The following ARFGAP1 variants were observed in gnomAD, a reference collection of about 807,000 sequenced individuals.
ARFGAP1 encodes the protein ADP-ribosylation factor GTPase-activating protein 1.
A neutral mutation model predicts 54.0 loss-of-function variants in ARFGAP1; 26 were observed. The observed-to-expected ratio is 0.48, with a 90% CI of 0.35 to 0.67. The LOEUF (loss-of-function observed/expected upper bound fraction) is 0.67, where lower values mean the gene tolerates loss of function less well. ARFGAP1 is among the 30% of genes least tolerant of loss of function. The pLI, the probability that ARFGAP1 is intolerant of heterozygous loss-of-function variation, is 0.00. For synonymous variants in ARFGAP1, 248 were observed against 211.9 expected (o/e 1.17, Z -1.48); for missense variants, 525 against 535.8 (o/e 0.98, Z 0.20).
At position 63,277,737 on chromosome 20, in the gene ARFGAP1, C is replaced by T. The variant is rs372527238; in HGVS notation, c.444-380C>T. Among the ~76,000 whole-genome samples the T allele has an allele frequency of 5.3e-5, 8 of 152,334 alleles. No homozygotes were observed. The East Asian group carries it at 1.4e-3, about 26-fold the overall frequency. ...GTGGGGTGACTGGGTAGCACGAGGC[C>T]TCCCCACCTCATCTGGAGCCCTGTA... On this transcript the variant is annotated intron_variant, in intron 5 of 12. Transcript: ENST00000370283.
chr20:63,276,246 C>A lies in ARFGAP1; in HGVS notation c.170+46C>A. 1 of 1,598,202 alleles carries A rather than the reference C, an allele frequency of 6.3e-7. No individual in the cohort carries two copies. Among genetic ancestry groups the A allele is most frequent in the South Asian group, 1.1e-5 (1 of 90,712 alleles). ...GCTCTGCGGAGAGCCTGCGGCCACCCCAGCATCTGTTCCTGACACCAGAGG... is the reference window on the plus strand; with the variant it reads ...GCTCTGCGGAGAGCCTGCGGCCACCACAGCATCTGTTCCTGACACCAGAGG... On this transcript the variant is annotated intron_variant, in intron 3 of 12. Transcript: ENST00000370283. The surrounding 1 kb of genome is among the most constrained non-coding windows in gnomAD (Gnocchi z 5.2).
chr20:63,287,669 G>C lies in ARFGAP1; in HGVS notation c.1017G>C (p.Lys339Asn). ...WETFGSAEPT[K>N]TRKSPSSDSW... ...CCTTTGGAAGTGCTGAGCCCACCAA[G>C]ACCCGCAAGTCCCCGAGCAGCGACA... Residue 339 changes from lysine to asparagine, a missense_variant, in exon 13 of 13, where the codon AAG (lysine) becomes AAC (asparagine). Lys to Asn is a moderately conservative substitution (Grantham distance 94). Around this residue, in one of 3 missense-constraint regions of ARFGAP1, gnomAD observed 466 missense variants for 453.6 expected, o/e 1.03. Transcript: ENST00000370283. 1 of 1,612,600 alleles carries C rather than the reference G, an allele frequency of 6.2e-7. No individual in the cohort carries two copies. The highest frequency in any genetic ancestry group is 1.1e-5 in the South Asian group (1 of 91,040).
At chr20:63,275,875 C>T (rs1266908470) in intron 2 of ARFGAP1, among the ~76,000 whole-genome samples, 1 of 152,238 alleles carries the variant, frequency 6.6e-6, no homozygotes, top group Non-Finnish European at 1.5e-5. Flanking sequence ...CTCCACATTT[C>T]TCAGGTCACT....
At position 63,276,025 on chromosome 20, in the gene ARFGAP1, C is replaced by G; in HGVS notation, c.61-66C>G. 1 of 1,477,674 alleles carries G rather than the reference C, an allele frequency of 6.8e-7. No individual in the cohort carries two copies. The allele number at this position is 1,477,674 out of a possible 1,614,324, so 91.5% of individuals were successfully genotyped here. A position where few individuals can be genotyped will look rare whatever the true frequency, so the allele number is the denominator to read the frequency against. On this transcript the variant is annotated intron_variant, in intron 2 of 12. Coordinates refer to ENST00000370283, the MANE Select transcript of ARFGAP1 (RefSeq NM_018209.4). The surrounding 1 kb of genome is among the most constrained non-coding windows in gnomAD (Gnocchi z 5.2). The stretch of plus-strand genomic sequence containing the variant: ...GCATTCGCTCCTTGAGGCCACCTGT[C>G]GGGTCTTTGGGGTCCCTGGGCTCTG...
intron 9 of ARFGAP1, chr20:63,284,134 C>T: frequency 1.5e-6 from 2 of 1,347,136 alleles, no homozygotes; most frequent in Non-Finnish European, 1.9e-6. Flanking sequence ...CCCCCATCTC[C>T]AAAACACACA....
intron 9 of ARFGAP1, 77 bp from the exon 10 acceptor site, chr20:63,284,789 C>T (rs1601363405): frequency 1.3e-6 from 2 of 1,586,930 alleles, no homozygotes. Context: ...CTGCCCTTTG[C>T]TGGCCTGTGC....
chr20:63,281,143 C>T, intron 7 of ARFGAP1, 148 bp from the exon 8 acceptor site: 1 of 758,810 alleles, frequency 1.3e-6, no homozygotes. Flanking sequence ...CCTCCAGCAG[C>T]CTGGAGAAGC....
At chr20:63,277,451 C>A in intron 5 of ARFGAP1, 146 bp downstream of exon 5, 1 of 696,170 alleles carries the variant, frequency 1.4e-6, no homozygotes. Flanking sequence ...TTTAAAATTG[C>A]CAAAACAATA....
In ARFGAP1 at chr20:63,277,230, A is replaced by T. The variant is rs778616368; in HGVS notation, c.368A>T (p.Glu123Val). The T allele has an allele frequency of 9.9e-6, 16 of 1,612,550 alleles. No homozygotes were observed. The African/African-American group carries it at 2.1e-4, about 22-fold the overall frequency. ...GTGGTCGCTCTGGCCGAAGGCAGAG[A>T]GTGGTCTCTGGAGTCATCACCTGCC... is the stretch of plus-strand genomic sequence containing the variant. ...DKVVALAEGR[E>V]WSLESSPAQN... The change falls in exon 5 of 13, where the codon GAG becomes GTG. Residue 123 changes from glutamate to valine, a missense_variant. By Grantham distance (121) the Glu-to-Val change is moderately radical. This residue lies in a region of ARFGAP1 where 466 missense variants were observed against 453.6 expected (regional missense o/e 1.03). Transcript: ENST00000370283.
In ARFGAP1 at chr20:63,285,688, G is replaced by C; in HGVS notation, c.809G>C (p.Ser270Thr). Residue 270 changes from serine (S) to threonine (T), a missense_variant, in exon 11 of 13, where the codon AGT becomes ACT. This residue lies in a region of ARFGAP1 where 466 missense variants were observed against 453.6 expected (regional missense o/e 1.03). Coordinates refer to ENST00000370283, the MANE Select transcript of ARFGAP1 (RefSeq NM_018209.4). ...KEGKIFDDVS[S>T]GVSQLASKVQ... ...GGAAAGATTTTTGATGATGTCTCCA[G>C]TGGGGTCTCTCAGTTGGCGTCCAAG... is the stretch of plus-strand genomic sequence containing the variant. The C allele has an allele frequency of 6.2e-7, 1 of 1,613,690 alleles. No homozygotes were observed. Among genetic ancestry groups the C allele is most frequent in the Non-Finnish European group, 8.5e-7 (1 of 1,180,014 alleles).
chr20:63,286,190 G>C (rs1038122533), intron 11 of ARFGAP1, 176 bp from the exon 12 acceptor site: 4 of 1,549,300 alleles, frequency 2.6e-6, no homozygotes, highest in Non-Finnish European at 2.6e-6. Flanking sequence ...ACCTGGCACC[G>C]CTGCAGAGTG....
At chr20:63,283,552 A>G (rs1313525739) in intron 9 of ARFGAP1, 3 of 443,794 alleles carry the variant, frequency 6.8e-6, no homozygotes, top group South Asian at 7.7e-5. Context: ...CCCGTGGCCC[A>G]TATCACCCCT....
intron 9 of ARFGAP1, chr20:63,283,831 C>T (rs374062449): frequency 1.2e-6 from 2 of 1,613,646 alleles, no homozygotes; most frequent in South Asian, 2.2e-5. Flanking sequence ...CCTCACCTGT[C>T]TTCTTGCTGT....
intron 1 of ARFGAP1, chr20:63,274,299 T>C (rs992233424): frequency 1.2e-4 from 8 of 64,526 alleles, no homozygotes; most frequent in Non-Finnish European, 1.8e-4. Flanking sequence ...ACTTTGGCCG[T>C]GTGGAGTTGG....
chr20:63,286,149 G>C (rs773421103), intron 11 of ARFGAP1: 46 of 1,550,124 alleles, frequency 3.0e-5, no homozygotes, highest in Non-Finnish European at 3.7e-5. Context: ...GTCTGTGCAC[G>C]AGGCTGTCCT....
At chr20:63,284,363 G>A in intron 9 of ARFGAP1, 1 of 1,057,278 alleles carries the variant, frequency 9.5e-7, no homozygotes, top group Non-Finnish European at 1.1e-6. Context: ...ACATCCCCAG[G>A]TGGCCGTGTG....
chr20:63,281,915 A>C (rs1373973121), intron 8 of ARFGAP1, among the ~76,000 whole-genome samples: 1 of 152,080 alleles, frequency 6.6e-6, no homozygotes, highest in Non-Finnish European at 1.5e-5. Flanking sequence ...AGCGCGGGGC[A>C]GCTGGGTGCC....
chr20:63,281,331 C>A lies in ARFGAP1; in HGVS notation c.668C>A (p.Ser223Ter). Residue 223 changes from serine (S) to a stop codon, truncating the protein, a stop_gained, in exon 8 of 13, where the codon TCG (serine) becomes TAG (stop). Coordinates refer to ENST00000370283, the MANE Select transcript of ARFGAP1 (RefSeq NM_018209.4). LOFTEE classifies it high-confidence loss of function. Reference sequence around the variant, plus strand: ...ACCACTGGAGCCAGCCGGTTTGCCTCGGCAGCCAAGGAGGGCGTAAGTCAC... The same window carrying A: ...ACCACTGGAGCCAGCCGGTTTGCCTAGGCAGCCAAGGAGGGCGTAAGTCAC... ...SFTTGASRFA[S>*]AAKEGATKFG... 6.3e-7 allele frequency: 1 copy of A among 1,599,952 alleles called. No homozygotes were observed. Among genetic ancestry groups the A allele is most frequent in the Non-Finnish European group, 8.5e-7 (1 of 1,177,030 alleles).
chr20:63,287,818 A>G lies in ARFGAP1; in HGVS notation c.1166A>G (p.Lys389Arg), dbSNP rs1429169533. 2 of 1,589,378 alleles carry G rather than the reference A, an allele frequency of 1.3e-6. No individual in the cohort carries two copies. Among genetic ancestry groups the G allele is most frequent in the Admixed American group, 1.8e-5 (1 of 56,906 alleles). Residue 389 changes from lysine to arginine, a missense_variant, in exon 13 of 13, where the codon AAG (lysine) becomes AGG (arginine). This residue lies in a region of ARFGAP1 where 466 missense variants were observed against 453.6 expected (regional missense o/e 1.03). Coordinates refer to ENST00000370283, the MANE Select transcript of ARFGAP1 (RefSeq NM_018209.4). ...GGGGAGGGCGGGGAGGGCACCAAGA[A>G]GGCAGTGCCGCCGGCCGTGCCCACT... The part of the protein sequence containing the change: ...DGGEGGEGTK[K>R]AVPPAVPTDD...
Sources: allele counts gnomAD v4.1 joint callset (sites outside exome capture counted in the v4.1 genomes callset), GRCh38; gene constraint gnomAD v4.1.1; regional missense constraint gnomAD v4.1.1; non-coding constraint Gnocchi (gnomAD v3.1); transcripts MANE v1.5; gene names NCBI Gene and HGNC (gene_info 2026-07-23, HGNC 2026-07-21).